Variants in PLCB3 observed in about 807,000 individuals in gnomAD.
PLCB3 encodes the protein phospholipase C beta 3.
PLCB3 carries 54 observed loss-of-function variants against 152.1 expected under a neutral mutation model. That is an observed-to-expected ratio of 0.36 (90% CI 0.29 to 0.45). The LOEUF is 0.45. PLCB3 is among the 20% of genes least tolerant of loss of function. The pLI, the probability that PLCB3 is intolerant of heterozygous loss-of-function variation, is 1.00. For synonymous variants in PLCB3, 717 were observed against 698.7 expected (o/e 1.03, Z -0.41); for missense variants, 1,248 against 1,687.5 (o/e 0.74, Z 4.56).
Position 64,265,459 on chromosome 11 carries a change from C to G in PLCB3, c.2992C>G (p.Gln998Glu). 6.2e-7 allele frequency: 1 copy of G among 1,608,816 alleles called. No homozygotes were observed. ...LTRRLLDGLA[Q>E]AQAEGRCRLR... The stretch of plus-strand genomic sequence containing the variant: ...CCGCCGCCTGCTGGATGGCCTGGCT[C>G]AGGCACAGGCTGAGGGCAGGTGCCG... Residue 998 changes from glutamine to glutamate, a missense_variant, in exon 25 of 31, where the codon CAG (glutamine) becomes GAG (glutamate). Gln to Glu is a conservative substitution (Grantham distance 29). Around this residue, in one of 6 missense-constraint regions of PLCB3, gnomAD observed 477 missense variants for 489.6 expected, o/e 0.97. Coordinates refer to ENST00000279230, the MANE Select transcript of PLCB3 (RefSeq NM_000932.5).
Position 64,256,997 on chromosome 11 carries a change from C to CTTTTTTTTTTTT in PLCB3, c.1012+246_1012+257dup, listed in dbSNP as rs5792316. ...CTGCAGCAGGAGAGACTTCAGGGTC[C>CTTTTTTTTTTTT]TTTTTTTTTTTTTTTTTTTTTTTTG... On this transcript the variant is annotated intron_variant, in intron 10 of 30. Coordinates refer to ENST00000279230, the MANE Select transcript of PLCB3 (RefSeq NM_000932.5). Among the ~76,000 whole-genome samples the CTTTTTTTTTTTT allele has an allele frequency of 1.8e-4, 11 of 61,558 alleles. 1 individual carries two copies. The highest frequency in any genetic ancestry group is 2.3e-4 in the Non-Finnish European group (8 of 34,922). 40.4% of individuals were successfully genotyped at this position (61,558 alleles called of 152,430 possible).
rs1359223624 is a variant in PLCB3, at chr11:64,264,086, C to T, written c.2626C>T (p.Leu876=). The change falls in exon 22 of 31, where the codon CTG becomes TTG. Residue 876 remains leucine, a synonymous_variant. Coordinates refer to ENST00000279230, the MANE Select transcript of PLCB3 (RefSeq NM_000932.5). ...CCTGATGGACCAGAGGGCCCGGCAG[C>T]TGGCCGCCCTCATTGGGGAGAGTGA... ...VSLMDQRARQ[L]AALIGESEAQ... 1.9e-6 allele frequency: 3 copies of T among 1,550,972 alleles called. No homozygotes were observed. Among genetic ancestry groups the T allele is most frequent in the African/African-American group, 1.4e-5 (1 of 72,806 alleles).
At chr11:64,263,903 C>T in intron 21 of PLCB3, 108 bp downstream of exon 21, 2 of 1,188,500 alleles carry the variant, frequency 1.7e-6, no homozygotes, top group Middle Eastern at 1.9e-4. Flanking sequence ...GAGTAGGGAA[C>T]TGAGTAGGGA....
chr11:64,255,152 G>A lies in PLCB3; in HGVS notation c.388-82G>A. The A allele has an allele frequency of 6.5e-7, 1 of 1,529,370 alleles. No homozygotes were observed. Among genetic ancestry groups the A allele is most frequent in the Non-Finnish European group, 9.1e-7 (1 of 1,104,446 alleles). 94.7% of individuals were successfully genotyped at this position (1,529,370 alleles called of 1,614,324 possible). ...CTGCTCTGTGACCTACTGTGTACCA[G>A]AGGCAGTTGTGGACCTGGGTTGTGG... On this transcript the variant is annotated intron_variant, in intron 4 of 30. Coordinates refer to ENST00000279230, the MANE Select transcript of PLCB3 (RefSeq NM_000932.5). The surrounding 1 kb of genome is among the most constrained non-coding windows in gnomAD (Gnocchi z 6.8).
chr11:64,258,564 A>T lies in PLCB3; in HGVS notation c.1104A>T (p.Gly368=), dbSNP rs1393915942. 1 of 1,613,768 alleles carries T rather than the reference A, an allele frequency of 6.2e-7. No individual in the cohort carries two copies. ...CRCVELDVWK[G]RPPEEEPFIT... ...GCGTGGAGCTGGACGTGTGGAAGGG[A>T]CGGCCGCCTGAGGAGGAACCCTTCA... Residue 368 remains glycine (G), a synonymous_variant, in exon 11 of 31, where the codon GGA becomes GGT. Transcript: ENST00000279230. The surrounding 1 kb of genome is among the most constrained non-coding windows in gnomAD (Gnocchi z 7.2).
Position 64,258,772 on chromosome 11 carries a change from G to T in PLCB3, c.1253+59G>T. The stretch of plus-strand genomic sequence containing the variant: ...CGGGGGACAGTCTTCCAGCTTCAGT[G>T]CTGTTGGACTGCTCAGGGACCTCCA... On this transcript the variant is annotated intron_variant, in intron 11 of 30. Transcript: ENST00000279230. The surrounding 1 kb of genome is among the most constrained non-coding windows in gnomAD (Gnocchi z 7.2). 6.2e-7 allele frequency: 1 copy of T among 1,607,556 alleles called. No homozygotes were observed. The highest frequency in any genetic ancestry group is 8.5e-7 in the Non-Finnish European group (1 of 1,175,278).
At chr11:64,254,871 C>A in intron 3 of PLCB3, 27 bp from the exon 4 acceptor site, 3 of 1,613,188 alleles carry the variant, frequency 1.9e-6, no homozygotes, top group Non-Finnish European at 2.5e-6. Flanking sequence ...GGAGCCCCCT[C>A]TTCACCCTTC....
At chr11:64,256,254 C>A in intron 8 of PLCB3, 122 bp from the exon 9 acceptor site, 1 of 798,996 alleles carries the variant, frequency 1.3e-6, no homozygotes, top group Non-Finnish European at 2.0e-6. Flanking sequence ...ACCCAGAGTC[C>A]CACTCACTGG....
Position 64,264,120 on chromosome 11 carries a change from GGGGCA to G in PLCB3, c.2652+18_2652+22del. The G allele has an allele frequency of 6.6e-7, 1 of 1,520,632 alleles. No individual in the cohort carries two copies. Among genetic ancestry groups the G allele is most frequent in the Non-Finnish European group, 8.8e-7 (1 of 1,134,406 alleles). The allele number at this position is 1,520,632 out of a possible 1,614,324, so 94.2% of individuals were successfully genotyped here. A position where few individuals can be genotyped will look rare whatever the true frequency, so the allele number is the denominator to read the frequency against. On this transcript the variant is annotated intron_variant, in intron 22 of 30. Transcript: ENST00000279230. ...CTCATTGGGGAGAGTGAGGTGAGCC[GGGGCA>G]GGGCAGGGCTCAGGCTCACTGTGAC...
At position 64,262,055 on chromosome 11, in the gene PLCB3, G is replaced by A. The variant is rs1337526589; in HGVS notation, c.2017G>A (p.Ala673Thr). 1 of 1,614,022 alleles carries A rather than the reference G, an allele frequency of 6.2e-7. No individual in the cohort carries two copies. Among genetic ancestry groups the A allele is most frequent in the African/African-American group, 1.3e-5 (1 of 74,926 alleles). ...LFWNVGCQLV[A>T]LNFQTLDVAM... ...CTGGAACGTAGGGTGCCAGCTTGTT[G>A]CGCTCAACTTCCAGACCCTCGGTGA... The change falls in exon 17 of 31, where the codon GCG (alanine) becomes ACG (threonine). Residue 673 changes from alanine to threonine, a missense_variant. Physicochemically the swap from Ala to Thr is moderately conservative, Grantham distance 58 (BLOSUM62 0). This residue lies in a region of PLCB3 where 244 missense variants were observed against 424.4 expected (regional missense o/e 0.57). Transcript: ENST00000279230.
chr11:64,255,183 C>A lies in PLCB3; in HGVS notation c.388-51C>A. ...GTTGTGGACCTGGGTTGTGGCTGGG[C>A]AGCCCCTGTGTCCCCCACTCACCGC... On this transcript the variant is annotated intron_variant, in intron 4 of 30. Coordinates refer to ENST00000279230, the MANE Select transcript of PLCB3 (RefSeq NM_000932.5). The surrounding 1 kb of genome is among the most constrained non-coding windows in gnomAD (Gnocchi z 6.8). 1 of 1,536,430 alleles carries A rather than the reference C, an allele frequency of 6.5e-7. No individual in the cohort carries two copies. Among genetic ancestry groups the A allele is most frequent in the Non-Finnish European group, 9.0e-7 (1 of 1,113,988 alleles).
In PLCB3 at chr11:64,254,786, A is replaced by T. The variant is rs1478399815; in HGVS notation, c.216A>T (p.Thr72=). The T allele has an allele frequency of 1.9e-6, 3 of 1,613,508 alleles. No homozygotes were observed. The African/African-American group carries it at 4.0e-5, about 22-fold the overall frequency. Reference sequence around the variant, plus strand: ...TGGACATCAGTTCCATCAGGGACACACGGACAGGCCGGTACGCCCGCCTGC... The same window carrying T: ...TGGACATCAGTTCCATCAGGGACACTCGGACAGGCCGGTACGCCCGCCTGC... The part of the protein sequence containing the change: ...DTLDISSIRD[T]RTGRYARLPK... The change falls in exon 3 of 31, where the codon ACA becomes ACT. Residue 72 remains threonine (T), a synonymous_variant. Transcript: ENST00000279230.
Position 64,262,077 on chromosome 11 carries a change from G to A in PLCB3, c.2038+1G>A. The A allele has an allele frequency of 6.2e-7, 1 of 1,614,052 alleles. No homozygotes were observed. Among genetic ancestry groups the A allele is most frequent in the Non-Finnish European group, 8.5e-7 (1 of 1,180,008 alleles). Reference sequence around the variant, plus strand: ...GTTGCGCTCAACTTCCAGACCCTCGGTGAGCCCTGGCCCCCTCCATCTTGA... The same window carrying A: ...GTTGCGCTCAACTTCCAGACCCTCGATGAGCCCTGGCCCCCTCCATCTTGA... On this transcript the variant is annotated splice_donor_variant, in intron 17 of 30. Coordinates refer to ENST00000279230, the MANE Select transcript of PLCB3 (RefSeq NM_000932.5). LOFTEE classifies it high-confidence loss of function.
rs201144789 is a variant in PLCB3, at chr11:64,262,388, C to T, written c.2039-19C>T. 1.3e-3 allele frequency: 2,026 copies of T among 1,608,104 alleles called. 37 individuals carry two copies. In the South Asian group the frequency reaches 0.019, roughly 15 times the overall value. On this transcript the variant is annotated intron_variant, in intron 17 of 30. Coordinates refer to ENST00000279230, the MANE Select transcript of PLCB3 (RefSeq NM_000932.5). ...CTGCCTGATCCCTGCCCCTGCTCGA[C>T]GTGCCCGTGGCACCCCAGATGTGGC... is the stretch of plus-strand genomic sequence containing the variant.
rs747698243 is a variant in PLCB3 at position 64,255,577 on chromosome 11, G to A, written c.558G>A (p.Val186=). 6.8e-6 allele frequency: 11 copies of A among 1,613,898 alleles called. No homozygotes were observed. In the South Asian group the frequency reaches 8.8e-5, roughly 13 times the overall value. ...LKMFSADKKR[V]ETALESCGLK... The stretch of plus-strand genomic sequence containing the variant: ...TGTTCTCAGCAGACAAGAAGCGGGT[G>A]GAGACTGCGCTGGAATCCTGTGGCC... The change falls in exon 7 of 31, where the codon GTG becomes GTA. Residue 186 remains valine, a synonymous_variant. Transcript: ENST00000279230. The surrounding 1 kb of genome is among the most constrained non-coding windows in gnomAD (Gnocchi z 6.8).
In PLCB3 at chr11:64,265,992, G is replaced by T; in HGVS notation, c.3142G>T (p.Ala1048Ser). Residue 1048 changes from alanine to serine, a missense_variant, in exon 26 of 31, where the codon GCC becomes TCC. This residue lies in a region of PLCB3 where 477 missense variants were observed against 489.6 expected (regional missense o/e 0.97). Coordinates refer to ENST00000279230, the MANE Select transcript of PLCB3 (RefSeq NM_000932.5). ...QVQSLLELRE[A>S]QVDAEAQRRL... is the part of the protein sequence containing the mutation. ...GCAGAGCCTGCTGGAGCTGCGGGAG[G>T]CCCAGGTGGACGCAGAGGCCCAGCG... The T allele has an allele frequency of 6.2e-7, 1 of 1,614,098 alleles. No homozygotes were observed. Among genetic ancestry groups the T allele is most frequent in the Middle Eastern group, 1.7e-4 (1 of 6,054 alleles).
At chr11:64,254,559 G>C in intron 2 of PLCB3, 67 bp downstream of exon 2, 5 of 1,495,240 alleles carry the variant, frequency 3.3e-6, no homozygotes, top group Non-Finnish European at 4.7e-6. Context: ...TGCCCTGCCC[G>C]TGGGGGTGGG....
intron 14 of PLCB3, among the ~76,000 whole-genome samples, chr11:64,260,910 A>G (rs1375627622): frequency 3.9e-5 from 6 of 152,092 alleles, no homozygotes; most frequent in Non-Finnish European, 8.8e-5. Context: ...TATTGGAGTT[A>G]TAGAAGAGAA....
In PLCB3 at chr11:64,254,942, C is replaced by G. The variant is rs2031438981; in HGVS notation, c.291C>G (p.Ala97=). 6.2e-7 allele frequency: 1 copy of G among 1,602,674 alleles called. No homozygotes were observed. The highest frequency in any genetic ancestry group is 1.1e-5 in the South Asian group (1 of 89,718). ...TTCTGGGCTTTGGGGGTCCCGATGC[C>G]CGGCTGGAGGAGAAGCTGATGACGG... ...REVLGFGGPD[A]RLEEKLMTVV... Residue 97 remains alanine (A), a synonymous_variant, in exon 4 of 31, where the codon GCC becomes GCG. Coordinates refer to ENST00000279230, the MANE Select transcript of PLCB3 (RefSeq NM_000932.5).
Sources: gnomAD v4.1 joint callset for allele counts (sites outside exome capture counted in the v4.1 genomes callset) on GRCh38, gnomAD v4.1.1 for gene constraint, gnomAD v4.1.1 regional missense constraint, Gnocchi (gnomAD v3.1) non-coding constraint, MANE v1.5 for transcripts, NCBI Gene and HGNC (gene_info 2026-07-23, HGNC 2026-07-21) for gene names.